INPP4B: variants seen among roughly 807,000 people sequenced by gnomAD.
INPP4B encodes the protein inositol polyphosphate 4-phosphatase type II.
INPP4B carries 55 observed loss-of-function variants against 122.5 expected under a neutral mutation model. The observed-to-expected ratio is 0.45, with a 90% confidence interval of 0.36 to 0.56. The LOEUF is 0.56. INPP4B is among the 20% of genes least tolerant of loss of function. INPP4B has a pLI of 0.00. For missense variants in INPP4B, 1,000 were observed against 1,097.7 expected, an observed-to-expected ratio of 0.91 and a Z score of 1.26; for synonymous variants, 403 against 388.7, an observed-to-expected ratio of 1.04 and a Z score of -0.43.
At chr4:142,418,263 A>T (rs1307135613) in intron 5 of INPP4B, among the ~76,000 whole-genome samples, 1 of 152,172 alleles carries the variant, frequency 6.6e-6, no homozygotes, top group Non-Finnish European at 1.5e-5. Context: ...TTTACAAATA[A>T]TTGTGTTGGC....
chr4:142,285,353 G>GT (rs1753051608), intron 9 of INPP4B, among the ~76,000 whole-genome samples: 1 of 151,816 alleles, frequency 6.6e-6, no homozygotes, highest in Non-Finnish European at 1.5e-5. Flanking sequence ...TGAAATAAGG[G>GT]GAGGTGACAT....
At chr4:142,744,714 TAA>T (rs1356692042) in intron 1 of INPP4B, among the ~76,000 whole-genome samples, 1 of 151,648 alleles carries the variant, frequency 6.6e-6, no homozygotes, top group African/African-American at 2.4e-5. Flanking sequence ...CATCTTATTA[TAA>T]ACAAAAGATC....
intron 11 of INPP4B, among the ~76,000 whole-genome samples, chr4:142,255,038 G>A (rs1734946877): frequency 6.6e-6 from 1 of 151,922 alleles, no homozygotes; most frequent in Non-Finnish European, 1.5e-5. Flanking sequence ...GAAGAGAGTG[G>A]GGGCCAATAT....
At chr4:142,843,734 A>G (rs1439530690) in intron 1 of INPP4B, among the ~76,000 whole-genome samples, 2 of 152,084 alleles carry the variant, frequency 1.3e-5, no homozygotes, top group South Asian at 2.1e-4. Flanking sequence ...ATACTTACCT[A>G]GAAACTGCCA....
chr4:142,120,502 A>G (rs546182356), intron 21 of INPP4B, among the ~76,000 whole-genome samples: 1 of 152,206 alleles, frequency 6.6e-6, no homozygotes, highest in South Asian at 2.1e-4. Flanking sequence ...AATTTCTCTC[A>G]GCAATATTTT....
At chr4:142,386,717 G>T (rs1796086766) in intron 7 of INPP4B, among the ~76,000 whole-genome samples, 1 of 152,120 alleles carries the variant, frequency 6.6e-6, no homozygotes, top group African/African-American at 2.4e-5. Flanking sequence ...CCACTATGTG[G>T]CTCCACTGGC....
chr4:142,216,530 G>T (rs1037163457), intron 12 of INPP4B, among the ~76,000 whole-genome samples: 5 of 152,138 alleles, frequency 3.3e-5, no homozygotes, highest in African/African-American at 1.2e-4. Flanking sequence ...CAACAGCAAA[G>T]TATCACATTC....
intron 18 of INPP4B, among the ~76,000 whole-genome samples, chr4:142,140,884 A>G (rs1469946672): frequency 6.6e-6 from 1 of 152,224 alleles, no homozygotes; most frequent in Non-Finnish European, 1.5e-5. Flanking sequence ...AGATATCATT[A>G]TATTAGAATA....
At chr4:142,043,418 A>T (rs1749376680) in intron 25 of INPP4B, among the ~76,000 whole-genome samples, 1 of 152,202 alleles carries the variant, frequency 6.6e-6, no homozygotes, top group Admixed American at 6.5e-5. Flanking sequence ...ATATATCATC[A>T]TTCATTTCTT....
chr4:142,538,061 G>C (rs551364284), intron 2 of INPP4B, among the ~76,000 whole-genome samples: 2 of 152,160 alleles, frequency 1.3e-5, no homozygotes, highest in South Asian at 4.1e-4. Flanking sequence ...CCCTTACCTA[G>C]ACCTGAGGAT....
chr4:142,087,861 G>C (rs1345119808), intron 23 of INPP4B, among the ~76,000 whole-genome samples: 2 of 152,130 alleles, frequency 1.3e-5, no homozygotes, highest in African/African-American at 4.8e-5. Context: ...TGGTTGGTAA[G>C]GTGGGAATTT....
intron 12 of INPP4B, among the ~76,000 whole-genome samples, chr4:142,224,091 A>T (rs1360336583): frequency 6.6e-6 from 1 of 152,212 alleles, no homozygotes; most frequent in African/African-American, 2.4e-5. Flanking sequence ...TGCTTCAGCC[A>T]TGCCAAAAAA....
At chr4:142,305,775 CA>C in intron 8 of INPP4B, 1 of 1,325,360 alleles carries the variant, frequency 7.5e-7, no homozygotes, top group African/African-American at 1.5e-5. Context: ...TAGAAAATAA[CA>C]AGAGGTAAAA....
intron 6 of INPP4B, 23 bp from the exon 7 acceptor site, chr4:142,403,077 C>T (rs1453829903): frequency 1.5e-6 from 2 of 1,336,648 alleles, no homozygotes; most frequent in African/African-American, 1.4e-5. Context: ...AAGCAGACAA[C>T]TTTGATTCAA....
intron 2 of INPP4B, among the ~76,000 whole-genome samples, chr4:142,529,826 G>A (rs1345869593): frequency 2.6e-5 from 4 of 152,042 alleles, no homozygotes; most frequent in South Asian, 4.1e-4. Flanking sequence ...TAATGGGTGA[G>A]AGAATGTTTG....
At chr4:142,360,354 C>A (rs1784985702) in intron 7 of INPP4B, among the ~76,000 whole-genome samples, 1 of 151,866 alleles carries the variant, frequency 6.6e-6, no homozygotes, top group South Asian at 2.1e-4. Flanking sequence ...TTGTTTTGTT[C>A]CAGAGAAGAG....
At chr4:142,738,405 A>G (rs1767351308) in intron 1 of INPP4B, among the ~76,000 whole-genome samples, 1 of 152,154 alleles carries the variant, frequency 6.6e-6, no homozygotes, top group African/African-American at 2.4e-5. Flanking sequence ...TGGGAATTGA[A>G]CAATGAGAAC....
intron 7 of INPP4B, among the ~76,000 whole-genome samples, chr4:142,356,633 A>G (rs1783706813): frequency 6.6e-6 from 1 of 151,828 alleles, no homozygotes; most frequent in Non-Finnish European, 1.5e-5. Context: ...GAACCCTAAA[A>G]CCTTTGTAAT....
intron 2 of INPP4B, among the ~76,000 whole-genome samples, chr4:142,611,768 A>G (rs1742594847): frequency 6.7e-6 from 1 of 150,354 alleles, no homozygotes. Flanking sequence ...TCTGAGGTTC[A>G]AGCGATTCTC....
Sources: gnomAD v4.1 joint callset for allele counts (sites outside exome capture counted in the v4.1 genomes callset) on GRCh38, gnomAD v4.1.1 for gene constraint, MANE v1.5 for transcripts, NCBI Gene and HGNC (gene_info 2026-07-23, HGNC 2026-07-21) for gene names.